Variants in EFNA5 observed in about 807,000 individuals in gnomAD.
EFNA5 encodes ephrin-A5.
Under a neutral mutation model 22.9 loss-of-function variants are expected in EFNA5, and 5 were observed. The ratio of observed to expected loss-of-function variants is 0.22; its 90% CI spans 0.11 to 0.46. EFNA5 has a LOEUF of 0.46. Among genes scored for constraint, EFNA5 ranks in the 20% least tolerant of loss-of-function variants. The pLI, the probability that EFNA5 is intolerant of heterozygous loss-of-function variation, is 0.99. For synonymous variants in EFNA5, 113 were observed against 112.2 expected, an observed-to-expected ratio of 1.01 and a Z score of -0.04; for missense variants, 237 against 293.3, an observed-to-expected ratio of 0.81 and a Z score of 1.40.
At chr5:107,429,094 T>A (rs1250046125) in intron 1 of EFNA5, among the ~76,000 whole-genome samples, 1 of 152,088 alleles carries the variant, frequency 6.6e-6, no homozygotes, top group East Asian at 1.9e-4. Flanking sequence ...CACCCGAACA[T>A]AAACATAATA....
At chr5:107,389,902 G>C (rs1277105954) in intron 2 of EFNA5, among the ~76,000 whole-genome samples, 3 of 152,158 alleles carry the variant, frequency 2.0e-5, no homozygotes, top group African/African-American at 7.2e-5. Context: ...CTCATTTTCT[G>C]TCACCAGGAA....
At chr5:107,630,498 T>C (rs1342368853) in intron 1 of EFNA5, among the ~76,000 whole-genome samples, 1 of 151,970 alleles carries the variant, frequency 6.6e-6, no homozygotes, top group African/African-American at 2.4e-5. Context: ...AATTATGTTA[T>C]AAAAAGATTA....
intron 1 of EFNA5, among the ~76,000 whole-genome samples, chr5:107,517,755 G>A (rs775913454): frequency 5.9e-5 from 9 of 152,116 alleles, no homozygotes; most frequent in Admixed American, 2.0e-4. Context: ...AGCAGGCTAC[G>A]TAAAAGACTT....
At chr5:107,541,024 T>C (rs892261952) in intron 1 of EFNA5, among the ~76,000 whole-genome samples, 90 of 151,958 alleles carry the variant, frequency 5.9e-4, no homozygotes, top group African/African-American at 2.1e-3. Context: ...GGAGAATCAC[T>C]GGAACCCAGG....
At chr5:107,520,639 C>T (rs1055757468) in intron 1 of EFNA5, among the ~76,000 whole-genome samples, 2 of 152,150 alleles carry the variant, frequency 1.3e-5, no homozygotes. Context: ...TTAGGTTGAA[C>T]CGAATAAGTC....
At chr5:107,651,508 AG>A (rs1750729203) in intron 1 of EFNA5, among the ~76,000 whole-genome samples, 1 of 151,998 alleles carries the variant, frequency 6.6e-6, no homozygotes, top group South Asian at 2.1e-4. Context: ...AAAGAGCCAT[AG>A]GGGGTCCTCG....
intron 1 of EFNA5, among the ~76,000 whole-genome samples, chr5:107,435,271 G>A (rs1484224482): frequency 6.8e-6 from 1 of 146,866 alleles, no homozygotes; most frequent in African/African-American, 2.5e-5. Flanking sequence ...TTTCAGCACA[G>A]AATGCAAGCC....
In EFNA5 at chr5:107,381,445, C is replaced by A. The variant is rs568015909; in HGVS notation, c.566-69G>T. On this transcript the variant is annotated intron_variant, in intron 4 of 4. Transcript: ENST00000333274. ...TTAATAACTCTCTTGCAGCAGCCTG[C>A]TGTTAACAGACCTCGCCACCCTCTG... 3.8e-4 allele frequency: 581 copies of A among 1,530,400 alleles called. 6 individuals carry two copies. In the South Asian group the frequency reaches 6.8e-3, roughly 18 times the overall value. 94.8% of individuals were successfully genotyped at this position (1,530,400 alleles called of 1,614,324 possible).
At chr5:107,482,810 CTCTGTCTCTCTCTCTG>C (rs1415024126) in intron 1 of EFNA5, among the ~76,000 whole-genome samples, 15 of 86,550 alleles carry the variant, frequency 1.7e-4, no homozygotes, top group East Asian at 1.7e-3. Flanking sequence ...CTCTCTCTCT[CTCTGTCTCTCTCTCTG>C]TCTCTGTCTC....
At chr5:107,605,153 G>C (rs1471544323) in intron 1 of EFNA5, among the ~76,000 whole-genome samples, 3 of 150,932 alleles carry the variant, frequency 2.0e-5, no homozygotes, top group Admixed American at 6.6e-5. Context: ...GGGTGGGGAT[G>C]GGGGGGGAAG....
At chr5:107,525,717 G>A (rs1463747636) in intron 1 of EFNA5, among the ~76,000 whole-genome samples, 1 of 152,092 alleles carries the variant, frequency 6.6e-6, no homozygotes, top group African/African-American at 2.4e-5. Context: ...CTGAGGAGAA[G>A]GAGAAAGAAG....
Position 107,670,652 on chromosome 5 carries a change from C to T in EFNA5, c.-39G>A, listed in dbSNP as rs753373791. On this transcript the variant is annotated 5_prime_UTR_variant, in exon 1 of 5. Coordinates refer to ENST00000333274, the MANE Select transcript of EFNA5 (RefSeq NM_001962.3). ...CGGCGGAGCCCCCGACGCGCCACTC[C>T]GGGGAGAGAGCGGGGATCCGGAGGG... 11 of 1,590,082 alleles carry T rather than the reference C, an allele frequency of 6.9e-6. No homozygotes were observed. In the South Asian group the frequency reaches 1.0e-4, roughly 15 times the overall value.
chr5:107,589,490 A>C (rs891141324), intron 1 of EFNA5, among the ~76,000 whole-genome samples: 7 of 152,150 alleles, frequency 4.6e-5, no homozygotes, highest in Non-Finnish European at 8.8e-5. Context: ...ACACACACAC[A>C]CCAACAAAGG....
intron 1 of EFNA5, among the ~76,000 whole-genome samples, chr5:107,535,884 T>A (rs1357843930): frequency 6.6e-6 from 1 of 152,222 alleles, no homozygotes; most frequent in Non-Finnish European, 1.5e-5. Context: ...GTTTTATAAA[T>A]AGCCAGAATT....
intron 4 of EFNA5, among the ~76,000 whole-genome samples, chr5:107,384,067 GGA>G (rs1426122955): frequency 9.9e-5 from 15 of 152,114 alleles, no homozygotes; most frequent in African/African-American, 3.4e-4. Context: ...TCTCAATGTT[GGA>G]AGATTCTACA....
At chr5:107,531,937 T>C (rs901062880) in intron 1 of EFNA5, among the ~76,000 whole-genome samples, 8 of 152,260 alleles carry the variant, frequency 5.3e-5, no homozygotes, top group South Asian at 2.1e-4. Context: ...CAATGGTAAA[T>C]AGGAGAGAAA....
chr5:107,503,096 A>G (rs1214870894), intron 1 of EFNA5, among the ~76,000 whole-genome samples: 1 of 152,204 alleles, frequency 6.6e-6, no homozygotes, highest in Admixed American at 6.5e-5. Context: ...ATGTTGGGAA[A>G]GGGCGGGCAC....
intron 2 of EFNA5, among the ~76,000 whole-genome samples, chr5:107,416,259 C>T (rs1437453888): frequency 1.3e-5 from 2 of 152,192 alleles, no homozygotes; most frequent in South Asian, 2.1e-4. Flanking sequence ...CAGGGTCTAC[C>T]TAAGTTCCAA....
intron 1 of EFNA5, among the ~76,000 whole-genome samples, chr5:107,451,412 A>T (rs544364670): frequency 2.5e-4 from 38 of 152,282 alleles, no homozygotes; most frequent in African/African-American, 7.0e-4. Flanking sequence ...AGAATAAAAA[A>T]TTTTTTCCTA....
Sources: gnomAD v4.1 joint callset for allele counts (sites outside exome capture counted in the v4.1 genomes callset) on GRCh38, gnomAD v4.1.1 for gene constraint, MANE v1.5 for transcripts, NCBI Gene and HGNC (gene_info 2026-07-23, HGNC 2026-07-21) for gene names.